Variants in HSF2BP observed in about 807,000 individuals in gnomAD.
HSF2BP encodes the protein heat shock factor 2-binding protein.
Under a neutral mutation model 35.0 loss-of-function variants are expected in HSF2BP, and 35 were observed. The observed-to-expected ratio is 1.00, with a 90% CI of 0.76 to 1.32. HSF2BP has a LOEUF of 1.32. HSF2BP is among the 40% of genes most tolerant of loss of function. The pLI is 0.00. For missense variants in HSF2BP, 326 were observed against 321.7 expected, an observed-to-expected ratio of 1.01 and a Z score of -0.10; for synonymous variants, 114 against 117.4, an observed-to-expected ratio of 0.97 and a Z score of 0.18.
Position 43,618,764 on chromosome 21 carries a change from G to A in HSF2BP, c.575-4817C>T, listed in dbSNP as rs1458071154. Among the ~76,000 whole-genome samples, 11 of 149,152 alleles carry A rather than the reference G, an allele frequency of 7.4e-5. No individual in the cohort carries two copies. In the South Asian group the frequency reaches 1.1e-3, roughly 14 times the overall value. Reference sequence around the variant, plus strand: ...ATCCTGGCTAGTATGGTGAAACCCCGTCTCTACTAAAAATACAAAAAAAAA... The same window carrying A: ...ATCCTGGCTAGTATGGTGAAACCCCATCTCTACTAAAAATACAAAAAAAAA... On this transcript the variant is annotated intron_variant, in intron 6 of 8. Coordinates refer to ENST00000291560, the MANE Select transcript of HSF2BP (RefSeq NM_007031.2).
At chr21:43,616,214 G>C (rs1414941988) in intron 6 of HSF2BP, among the ~76,000 whole-genome samples, 1 of 152,128 alleles carries the variant, frequency 6.6e-6, no homozygotes, top group Non-Finnish European at 1.5e-5. Flanking sequence ...TGCACACCAT[G>C]AGCCTTCCAA....
chr21:43,626,809 T>C (rs1247810072), intron 6 of HSF2BP, among the ~76,000 whole-genome samples: 1 of 152,160 alleles, frequency 6.6e-6, no homozygotes, highest in African/African-American at 2.4e-5. Context: ...TTTCACTGAC[T>C]TCAGAACAAA....
At chr21:43,614,407 A>T (rs1402622748) in intron 6 of HSF2BP, among the ~76,000 whole-genome samples, 1 of 152,112 alleles carries the variant, frequency 6.6e-6, no homozygotes, top group Non-Finnish European at 1.5e-5. Context: ...CAGCTCAGAA[A>T]GAATCACTGA....
In HSF2BP at chr21:43,607,342, T is replaced by C. The variant is rs550433847; in HGVS notation, c.692+6488A>G. On this transcript the variant is annotated intron_variant, in intron 7 of 8. Coordinates refer to ENST00000291560, the MANE Select transcript of HSF2BP (RefSeq NM_007031.2). ...GAGCCAAATCAACAACACAATCCTATTTACAACAGCCACACACACACACAA... is the reference window on the plus strand; with the variant it reads ...GAGCCAAATCAACAACACAATCCTACTTACAACAGCCACACACACACACAA... Among the ~76,000 whole-genome samples the C allele has an allele frequency of 1.0e-4, 15 of 149,458 alleles. No homozygotes were observed. The South Asian group carries it at 2.9e-3, about 29-fold the overall frequency.
intron 4 of HSF2BP, among the ~76,000 whole-genome samples, chr21:43,636,172 G>C (rs927345580): frequency 6.9e-6 from 1 of 143,934 alleles, no homozygotes; most frequent in African/African-American, 2.6e-5. Context: ...CTAGGTGACA[G>C]AGCAAGACAC....
chr21:43,657,878 T>C, intron 2 of HSF2BP, 183 bp downstream of exon 2: 12 of 985,352 alleles, frequency 1.2e-5, no homozygotes, highest in Non-Finnish European at 1.4e-5. Flanking sequence ...GGAGGCGAAG[T>C]CGCCTCCCGC....
At chr21:43,572,634 G>A (rs561127257) in intron 8 of HSF2BP, among the ~76,000 whole-genome samples, 2 of 152,336 alleles carry the variant, frequency 1.3e-5, no homozygotes, top group East Asian at 1.9e-4. Context: ...TCAGGTGTCC[G>A]AGAGGACAAG....
At chr21:43,588,918 T>G (rs1601628077) in intron 8 of HSF2BP, among the ~76,000 whole-genome samples, 1 of 152,260 alleles carries the variant, frequency 6.6e-6, no homozygotes, top group East Asian at 1.9e-4. Flanking sequence ...GGACCTGCCC[T>G]CAAACTGTGG....
chr21:43,592,316 C>T lies in HSF2BP; in HGVS notation c.705G>A (p.Met235Ile), dbSNP rs1315650044. Reference sequence around the variant, plus strand: ...AATTGATGCTTACATTGTATAGGGACATCAGCATTAGCCTGAAATGTAAAA... The same window carrying T: ...AATTGATGCTTACATTGTATAGGGATATCAGCATTAGCCTGAAATGTAAAA... ...QCTKLKVLML[M>I]SLYNVSINLK... Residue 235 changes from methionine (M) to isoleucine (I), a missense_variant, in exon 8 of 9, where the codon ATG becomes ATA. Transcript: ENST00000291560. 2 of 1,610,522 alleles carry T rather than the reference C, an allele frequency of 1.2e-6. No homozygotes were observed. Among genetic ancestry groups the T allele is most frequent in the East Asian group, 2.2e-5 (1 of 44,854 alleles).
chr21:43,658,641 T>A (rs1384295864), intron 1 of HSF2BP, among the ~76,000 whole-genome samples: 1 of 152,186 alleles, frequency 6.6e-6, no homozygotes, highest in Non-Finnish European at 1.5e-5. Context: ...CCGCAAAATA[T>A]AGGATGGCCT....
chr21:43,637,695 CT>C (rs2147050919), intron 4 of HSF2BP, among the ~76,000 whole-genome samples: 1 of 151,534 alleles, frequency 6.6e-6, no homozygotes, highest in East Asian at 1.9e-4. Context: ...TGCCTATAGA[CT>C]CAGGAGGTTC....
At chr21:43,608,000 C>A (rs1165623948) in intron 7 of HSF2BP, among the ~76,000 whole-genome samples, 1 of 152,030 alleles carries the variant, frequency 6.6e-6, no homozygotes, top group Non-Finnish European at 1.5e-5. Context: ...AGTCCTAGAA[C>A]AAAATCTAGG....
In HSF2BP at chr21:43,639,599, C is replaced by T. The variant is rs144558295; in HGVS notation, c.291+4690G>A. Among the ~76,000 whole-genome samples the T allele has an allele frequency of 1.5e-3, 230 of 152,202 alleles. 2 individuals are homozygous for T. The highest frequency in any genetic ancestry group is 5.3e-3 in the African/African-American group (220 of 41,520). The stretch of plus-strand genomic sequence containing the variant: ...AATGCAAATTAAAACCACAACAAAC[C>T]TATCAAAATGACTAAAATTCAAAAT... On this transcript the variant is annotated intron_variant, in intron 4 of 8. Coordinates refer to ENST00000291560, the MANE Select transcript of HSF2BP (RefSeq NM_007031.2).
At chr21:43,613,670 T>C (rs1417871847) in intron 7 of HSF2BP, among the ~76,000 whole-genome samples, 160 bp downstream of exon 7, 2 of 152,238 alleles carry the variant, frequency 1.3e-5, no homozygotes, top group Non-Finnish European at 2.9e-5. Flanking sequence ...TAAAATGCTA[T>C]TTAAGAGACA....
chr21:43,596,944 T>C (rs1337903824), intron 7 of HSF2BP, among the ~76,000 whole-genome samples: 1 of 150,828 alleles, frequency 6.6e-6, no homozygotes, highest in Non-Finnish European at 1.5e-5. Flanking sequence ...ATATTGAGGT[T>C]TAGACAAGGC....
intron 5 of HSF2BP, among the ~76,000 whole-genome samples, chr21:43,632,172 CGCTCCCCCACACACACACAT>C (rs2082478420): frequency 7.5e-6 from 1 of 133,478 alleles, no homozygotes; most frequent in Admixed American, 7.6e-5. Flanking sequence ...CACACACACA[CGCTCCCCCACACACACACAT>C]GCTCCCCCAC....
chr21:43,628,059 T>G (rs1290684572), intron 6 of HSF2BP, among the ~76,000 whole-genome samples: 1 of 152,152 alleles, frequency 6.6e-6, no homozygotes, highest in East Asian at 1.9e-4. Context: ...TTCCCGTTTC[T>G]CTCCCTCTCC....
At chr21:43,650,593 T>C (rs549959350) in intron 3 of HSF2BP, among the ~76,000 whole-genome samples, 3 of 151,534 alleles carry the variant, frequency 2.0e-5, no homozygotes, top group Admixed American at 6.6e-5. Flanking sequence ...GTTGGATGAA[T>C]AAAGCACAAG....
At chr21:43,627,891 T>G (rs180904293) in intron 6 of HSF2BP, among the ~76,000 whole-genome samples, 108 of 152,324 alleles carry the variant, frequency 7.1e-4, no homozygotes, top group Admixed American at 7.0e-3. Flanking sequence ...TAGTTGAAAC[T>G]TTTTCATTAT....
Sources: allele counts gnomAD v4.1 joint callset (sites outside exome capture counted in the v4.1 genomes callset), GRCh38; gene constraint gnomAD v4.1.1; transcripts MANE v1.5; gene names NCBI Gene and HGNC (gene_info 2026-07-23, HGNC 2026-07-21).